The following ZNF385B variants were observed in gnomAD, a reference collection of about 807,000 sequenced individuals.
The protein encoded by ZNF385B is zinc finger protein 533.
ZNF385B carries 23 observed loss-of-function variants against 39.2 expected under a neutral mutation model. The observed-to-expected ratio is 0.59, with a 90% CI of 0.42 to 0.83. The LOEUF is 0.83. ZNF385B is among the 40% of genes least tolerant of loss of function. ZNF385B has a pLI of 0.00. For missense variants in ZNF385B, 552 were observed against 598.9 expected (o/e 0.92, Z 0.82); for synonymous variants, 205 against 222.6 (o/e 0.92, Z 0.70).
At chr2:179,493,960 CTT>C (rs1474232836) in intron 5 of ZNF385B, among the ~76,000 whole-genome samples, 8 of 150,608 alleles carry the variant, frequency 5.3e-5, no homozygotes, top group Non-Finnish European at 1.0e-4. Context: ...TCTACTGAAA[CTT>C]GTGTTCTAAT....
chr2:179,810,414 C>T (rs990390308), intron 1 of ZNF385B, among the ~76,000 whole-genome samples: 8 of 151,842 alleles, frequency 5.3e-5, no homozygotes, highest in African/African-American at 1.9e-4. Context: ...AATATTGTTA[C>T]ATTTCAGAAT....
At chr2:179,650,919 T>C (rs1322321777) in intron 3 of ZNF385B, among the ~76,000 whole-genome samples, 1 of 152,162 alleles carries the variant, frequency 6.6e-6, no homozygotes, top group Non-Finnish European at 1.5e-5. Context: ...TCATACCCTA[T>C]TACAATGTAA....
intron 6 of ZNF385B, among the ~76,000 whole-genome samples, chr2:179,469,333 A>G (rs1043217273): frequency 2.0e-5 from 3 of 152,192 alleles, no homozygotes; most frequent in African/African-American, 4.8e-5. Flanking sequence ...ATGTTTTAAG[A>G]AAGTTTACAA....
chr2:179,745,295 A>G (rs1702312947), intron 3 of ZNF385B, among the ~76,000 whole-genome samples: 1 of 152,076 alleles, frequency 6.6e-6, no homozygotes, highest in Admixed American at 6.6e-5. Flanking sequence ...GTCTCCTCCT[A>G]TCTGTCTTTC....
intron 3 of ZNF385B, among the ~76,000 whole-genome samples, chr2:179,689,805 GTGTGTGTGTGTGTGTGTGTGTT>G (rs1263228939): frequency 1.6e-5 from 2 of 126,166 alleles, no homozygotes; most frequent in African/African-American, 3.1e-5. Context: ...GTGTGTGTGT[GTGTGTGTGTGTGTGTGTGTGTT>G]TATTTGTTTT....
intron 1 of ZNF385B, among the ~76,000 whole-genome samples, chr2:179,858,994 A>G (rs560697880): frequency 6.6e-6 from 1 of 152,158 alleles, no homozygotes; most frequent in East Asian, 1.9e-4. Flanking sequence ...CATGGTGCCC[A>G]ACTCCACATA....
At chr2:179,629,977 T>C (rs763361751) in intron 3 of ZNF385B, among the ~76,000 whole-genome samples, 1 of 152,206 alleles carries the variant, frequency 6.6e-6, no homozygotes, top group Admixed American at 6.5e-5. Context: ...GTGTCTGCCA[T>C]TGCTGAGGCT....
chr2:179,777,883 C>T (rs1704430357), intron 1 of ZNF385B, among the ~76,000 whole-genome samples: 1 of 151,776 alleles, frequency 6.6e-6, no homozygotes, highest in African/African-American at 2.4e-5. Flanking sequence ...AGCAATTCTC[C>T]CGCCTCAGCC....
In ZNF385B at chr2:179,443,288, G is replaced by C. The variant is rs572842673; in HGVS notation, c.1423C>G (p.Arg475Gly). The change falls in exon 10 of 10, where the codon CGC becomes GGC. Residue 475 changes from arginine to glycine, a missense_variant. Physicochemically the swap from Arg to Gly is moderately radical, Grantham distance 125 (BLOSUM62 -2). Coordinates refer to ENST00000410066, the MANE Select transcript of ZNF385B (RefSeq NM_152520.6). ...ALLRPGHGPI[R>G]ATPASILFAP... ...AAGAGGATGGAGGCAGGAGTGGCGCGGATGGGCCCATGCCCAGGCCTCAGA... is the reference window on the plus strand; with the variant it reads ...AAGAGGATGGAGGCAGGAGTGGCGCCGATGGGCCCATGCCCAGGCCTCAGA... 1 of 1,612,620 alleles carries C rather than the reference G, an allele frequency of 6.2e-7. No individual in the cohort carries two copies. Among genetic ancestry groups the C allele is most frequent in the Admixed American group, 1.7e-5 (1 of 60,026 alleles).
At chr2:179,502,163 A>C (rs986454633) in intron 5 of ZNF385B, among the ~76,000 whole-genome samples, 1 of 152,212 alleles carries the variant, frequency 6.6e-6, no homozygotes, top group Non-Finnish European at 1.5e-5. Flanking sequence ...CTTAAAAATA[A>C]CTAACTTGTT....
intron 1 of ZNF385B, among the ~76,000 whole-genome samples, chr2:179,786,110 G>T (rs1348596963): frequency 2.6e-5 from 4 of 152,118 alleles, no homozygotes; most frequent in African/African-American, 9.7e-5. Flanking sequence ...ATGACTCACT[G>T]AAGGCTCAGA....
chr2:179,717,531 G>A (rs1195388312), intron 3 of ZNF385B, among the ~76,000 whole-genome samples: 1 of 152,182 alleles, frequency 6.6e-6, no homozygotes, highest in African/African-American at 2.4e-5. Flanking sequence ...CCCGGAGTTT[G>A]AGACCAGTCT....
chr2:179,835,904 C>A (rs1406442500), intron 1 of ZNF385B, among the ~76,000 whole-genome samples: 1 of 152,032 alleles, frequency 6.6e-6, no homozygotes, highest in Non-Finnish European at 1.5e-5. Context: ...TAAGAACACT[C>A]CACATGAGAT....
chr2:179,585,555 T>G (rs145261655), intron 3 of ZNF385B, among the ~76,000 whole-genome samples: 167 of 152,342 alleles, frequency 1.1e-3, no homozygotes, highest in African/African-American at 3.7e-3. Flanking sequence ...TTCAAAACAA[T>G]ATGCCATTAT....
chr2:179,509,429 G>T (rs1283748598), intron 5 of ZNF385B, among the ~76,000 whole-genome samples: 3 of 152,006 alleles, frequency 2.0e-5, no homozygotes, highest in Non-Finnish European at 2.9e-5. Context: ...TTAAACAGCC[G>T]CTATTGAATG....
chr2:179,772,727 C>T (rs1704083521), intron 1 of ZNF385B, among the ~76,000 whole-genome samples: 1 of 152,166 alleles, frequency 6.6e-6, no homozygotes, highest in African/African-American at 2.4e-5. Context: ...ATCTCACTTT[C>T]TATTTTAAAT....
intron 6 of ZNF385B, among the ~76,000 whole-genome samples, chr2:179,456,386 G>T (rs969902905): frequency 2.6e-5 from 4 of 152,048 alleles, no homozygotes; most frequent in African/African-American, 9.7e-5. Context: ...CTATCCAACA[G>T]ACATAATATG....
intron 3 of ZNF385B, among the ~76,000 whole-genome samples, chr2:179,724,810 G>A (rs984113129): frequency 8.5e-5 from 13 of 152,308 alleles, no homozygotes; most frequent in South Asian, 2.1e-4. Flanking sequence ...AGTAAGCTGG[G>A]AAGCTAGGGA....
At chr2:179,742,987 G>A (rs1702167764) in intron 3 of ZNF385B, among the ~76,000 whole-genome samples, 1 of 151,940 alleles carries the variant, frequency 6.6e-6, no homozygotes, top group African/African-American at 2.4e-5. Flanking sequence ...AAGACTTCAG[G>A]CAGATATGCC....
Sources: gnomAD v4.1 joint callset for allele counts (sites outside exome capture counted in the v4.1 genomes callset) on GRCh38, gnomAD v4.1.1 for gene constraint, MANE v1.5 for transcripts, NCBI Gene and HGNC (gene_info 2026-07-23, HGNC 2026-07-21) for gene names.